Variants in PCDHA3 observed in about 807,000 individuals in gnomAD.
PCDHA3 encodes the protein protocadherin alpha-3.
Under a neutral mutation model 62.2 loss-of-function variants are expected in PCDHA3, and 41 were observed. The observed-to-expected ratio is 0.66, with a 90% CI of 0.51 to 0.86. The LOEUF (loss-of-function observed/expected upper bound fraction) is 0.86, where lower values mean the gene tolerates loss of function less well. Among genes scored for constraint, PCDHA3 ranks in the 40% least tolerant of loss-of-function variants. The pLI is 0.00. For synonymous variants in PCDHA3, 640 were observed against 555.4 expected (o/e 1.15, Z -2.14); for missense variants, 1,304 against 1,241.2 (o/e 1.05, Z -0.76).
chr5:140,870,675 C>G, intron 1 of PCDHA3: 1 of 1,612,672 alleles, frequency 6.2e-7, no homozygotes, highest in Non-Finnish European at 8.5e-7. Context: ...CGTTGGACCA[C>G]GAGGAGCTGG....
chr5:140,883,835 T>C (rs782244088), intron 1 of PCDHA3: 10 of 1,612,448 alleles, frequency 6.2e-6, no homozygotes, highest in East Asian at 4.5e-5. Flanking sequence ...GCTGCAGCCG[T>C]TGGACCACGA....
At chr5:140,937,705 G>T (rs892429555) in intron 1 of PCDHA3, among the ~76,000 whole-genome samples, 2 of 151,928 alleles carry the variant, frequency 1.3e-5, no homozygotes, top group Admixed American at 6.6e-5. Context: ...GAGGTCAGGA[G>T]ATCAAGACCA....
At chr5:140,842,984 G>C in intron 1 of PCDHA3, 2 of 1,595,034 alleles carry the variant, frequency 1.3e-6, no homozygotes. Flanking sequence ...GCAGGTGTTC[G>C]TGCTGGACGA....
At chr5:140,869,598 T>A in intron 1 of PCDHA3, 6 of 1,614,122 alleles carry the variant, frequency 3.7e-6, no homozygotes, top group Non-Finnish European at 5.1e-6. Context: ...TTGAAGAGAA[T>A]GCTCTATTGA....
At chr5:140,865,937 T>C (rs529378074) in intron 1 of PCDHA3, 1 of 152,212 alleles carries the variant, frequency 6.6e-6, no homozygotes, top group Admixed American at 6.5e-5. Context: ...AGAAACTTCA[T>C]GATTGTCTTC....
At chr5:140,851,427 T>C in intron 1 of PCDHA3, 2 of 945,324 alleles carry the variant, frequency 2.1e-6, no homozygotes, top group Non-Finnish European at 2.6e-6. Flanking sequence ...CCCTAAACTT[T>C]AGAAAACAGT....
chr5:140,979,807 A>T (rs376087021), intron 2 of PCDHA3, among the ~76,000 whole-genome samples: 2 of 152,258 alleles, frequency 1.3e-5, no homozygotes, highest in African/African-American at 4.8e-5. Flanking sequence ...CACAACTATC[A>T]AAAGGATTTA....
chr5:140,842,458 A>C (rs1777969478), intron 1 of PCDHA3: 1 of 1,613,788 alleles, frequency 6.2e-7, no homozygotes, highest in South Asian at 1.1e-5. Context: ...ACCTCGATTC[A>C]GGTGCCAACG....
At chr5:140,884,428 G>C in intron 1 of PCDHA3, 1 of 1,613,962 alleles carries the variant, frequency 6.2e-7, no homozygotes, top group Non-Finnish European at 8.5e-7. Context: ...TGTATACTGC[G>C]CTGCGGTGCT....
At chr5:140,882,016 A>C (rs1403488174) in intron 1 of PCDHA3, 1 of 543,846 alleles carries the variant, frequency 1.8e-6, no homozygotes, top group Non-Finnish European at 3.0e-6. Flanking sequence ...AAAAAATACT[A>C]CATCAATGGA....
intron 1 of PCDHA3, among the ~76,000 whole-genome samples, chr5:140,950,472 T>C (rs782525513): frequency 2.0e-5 from 3 of 152,084 alleles, no homozygotes; most frequent in East Asian, 1.9e-4. Context: ...TCATAGTTTC[T>C]GATGAGAAGT....
intron 1 of PCDHA3, among the ~76,000 whole-genome samples, chr5:140,939,697 A>G (rs1327140175): frequency 6.6e-6 from 1 of 152,232 alleles, no homozygotes; most frequent in African/African-American, 2.4e-5. Context: ...GCTGGACATT[A>G]TCATTTGTGA....
At position 140,982,581 on chromosome 5, in the gene PCDHA3, C is replaced by CT. The variant is rs782248594; in HGVS notation, c.2542+19dup. 2.4e-5 allele frequency: 38 copies of CT among 1,612,216 alleles called. No homozygotes were observed. The Middle Eastern group carries it at 5.0e-4, about 21-fold the overall frequency. ...AACACCAGGTAAAGAGCTGGGGTCT[C>CT]TCCATTCTTTCTTGGTTTCTGGAAA... On this transcript the variant is annotated intron_variant, in intron 3 of 3. Transcript: ENST00000522353.
chr5:141,003,411 G>A (rs537266386), intron 3 of PCDHA3, among the ~76,000 whole-genome samples: 4 of 152,092 alleles, frequency 2.6e-5, no homozygotes, highest in Non-Finnish European at 4.4e-5. Context: ...TCCCGGGTTC[G>A]AGTGATTCTT....
chr5:140,870,792 A>G (rs782032105), intron 1 of PCDHA3: 5 of 1,613,658 alleles, frequency 3.1e-6, no homozygotes, highest in East Asian at 2.2e-5. Flanking sequence ...ACGCGCCGGC[A>G]CTGCTGGCGA....
intron 1 of PCDHA3, chr5:140,842,932 G>A: frequency 1.3e-6 from 2 of 1,594,566 alleles, no homozygotes; most frequent in East Asian, 2.2e-5. Flanking sequence ...AGGTGAGCGC[G>A]CGCGACGCGG....
At chr5:140,970,562 A>G (rs1406680335) in intron 1 of PCDHA3, among the ~76,000 whole-genome samples, 1 of 152,156 alleles carries the variant, frequency 6.6e-6, no homozygotes, top group African/African-American at 2.4e-5. Flanking sequence ...TCGTCTCCAT[A>G]TGTATGCTTG....
intron 1 of PCDHA3, chr5:140,881,378 G>A (rs2058692175): frequency 1.0e-6 from 1 of 984,802 alleles, no homozygotes; most frequent in Non-Finnish European, 1.2e-6. Context: ...ATTGCAGCCG[G>A]CGGCGGTAAG....
chr5:140,948,096 T>C (rs550126735), intron 1 of PCDHA3, among the ~76,000 whole-genome samples: 1 of 151,754 alleles, frequency 6.6e-6, no homozygotes, highest in East Asian at 1.9e-4. Flanking sequence ...TATGAGCATA[T>C]GATTTTTCTT....
Sources: gnomAD v4.1 joint callset for allele counts (sites outside exome capture counted in the v4.1 genomes callset) on GRCh38, gnomAD v4.1.1 for gene constraint, MANE v1.5 for transcripts, NCBI Gene and HGNC (gene_info 2026-07-23, HGNC 2026-07-21) for gene names.